FAM135B: variants seen among roughly 807,000 people sequenced by gnomAD.
FAM135B encodes protein FAM135B.
Under a neutral mutation model 127.7 loss-of-function variants are expected in FAM135B, and 43 were observed. The ratio of observed to expected loss-of-function variants is 0.34; its 90% CI spans 0.26 to 0.43. The LOEUF (loss-of-function observed/expected upper bound fraction) is 0.43. Ranked by LOEUF, FAM135B falls within the 20% of genes least tolerant of loss-of-function variation. FAM135B has a pLI of 1.00. For synonymous variants in FAM135B, 670 were observed against 665.1 expected, an observed-to-expected ratio of 1.01 and a Z score of -0.11; for missense variants, 1,558 against 1,725.6, an observed-to-expected ratio of 0.90 and a Z score of 1.72.
At chr8:138,293,555 G>C (rs983360809) in intron 3 of FAM135B, among the ~76,000 whole-genome samples, 1 of 151,524 alleles carries the variant, frequency 6.6e-6, no homozygotes, top group Non-Finnish European at 1.5e-5. Flanking sequence ...AAATTAGTGA[G>C]AAAAAAAATC....
chr8:138,495,992 G>A (rs530095239), intron 1 of FAM135B, among the ~76,000 whole-genome samples: 1 of 152,248 alleles, frequency 6.6e-6, no homozygotes, highest in South Asian at 2.1e-4. Flanking sequence ...GAAATGAGGT[G>A]GGGAGAAGGG....
intron 3 of FAM135B, among the ~76,000 whole-genome samples, chr8:138,280,408 C>CAG (rs1341702540): frequency 1.3e-5 from 2 of 151,698 alleles, no homozygotes; most frequent in Non-Finnish European, 2.9e-5. Flanking sequence ...CATTATGGTG[C>CAG]AGAGGCAACC....
chr8:138,255,120 C>T (rs1424416674), intron 5 of FAM135B, among the ~76,000 whole-genome samples: 3 of 149,822 alleles, frequency 2.0e-5, no homozygotes, highest in Admixed American at 6.7e-5. Context: ...ACCTTGAACT[C>T]CTGGGCTCAA....
intron 11 of FAM135B, among the ~76,000 whole-genome samples, chr8:138,169,278 T>G (rs979946665): frequency 6.6e-6 from 1 of 152,132 alleles, no homozygotes; most frequent in African/African-American, 2.4e-5. Context: ...TGAAGGCTGC[T>G]ACAACTTCAT....
intron 12 of FAM135B, among the ~76,000 whole-genome samples, chr8:138,156,376 C>A (rs1382320003): frequency 2.6e-5 from 4 of 152,058 alleles, no homozygotes; most frequent in African/African-American, 7.2e-5. Flanking sequence ...TAACATCACA[C>A]TTAAAAGAAC....
intron 4 of FAM135B, among the ~76,000 whole-genome samples, chr8:138,262,918 A>AT (rs1326406193): frequency 1.3e-5 from 2 of 150,480 alleles, no homozygotes; most frequent in Non-Finnish European, 3.0e-5. Flanking sequence ...AAAAAAAAAA[A>AT]AAAGCAACTA....
chr8:138,495,069 T>C (rs1815341525), intron 1 of FAM135B, among the ~76,000 whole-genome samples: 1 of 152,184 alleles, frequency 6.6e-6, no homozygotes, highest in South Asian at 2.1e-4. Flanking sequence ...TCTCTTTTCG[T>C]AGTTGATGGA....
intron 1 of FAM135B, among the ~76,000 whole-genome samples, chr8:138,377,709 G>A (rs1026847180): frequency 6.6e-6 from 1 of 152,170 alleles, no homozygotes; most frequent in African/African-American, 2.4e-5. Flanking sequence ...ACATGACCTA[G>A]CAAGTTCTTG....
intron 9 of FAM135B, among the ~76,000 whole-genome samples, chr8:138,183,951 G>A (rs10875418): frequency 0.18 from 27,799 of 152,174 alleles, 2,764 homozygotes; most frequent in Admixed American, 0.29. Context: ...TTCTATGCAG[G>A]AATTCACGGC....
chr8:138,263,335 C>A (rs1404393761), intron 4 of FAM135B, among the ~76,000 whole-genome samples: 1 of 152,028 alleles, frequency 6.6e-6, no homozygotes, highest in Admixed American at 6.6e-5. Context: ...AGGGAAGGAG[C>A]CTGGGGAGTG....
At chr8:138,348,401 C>T (rs542676459) in intron 2 of FAM135B, among the ~76,000 whole-genome samples, 6 of 152,216 alleles carry the variant, frequency 3.9e-5, no homozygotes, top group East Asian at 3.9e-4. Flanking sequence ...TCCCAAAGTG[C>T]GGAGATTACA....
intron 9 of FAM135B, among the ~76,000 whole-genome samples, chr8:138,192,413 A>T (rs1246145808): frequency 6.6e-6 from 1 of 152,244 alleles, no homozygotes; most frequent in Non-Finnish European, 1.5e-5. Flanking sequence ...TAAGACTATC[A>T]AATTAGCCAA....
Position 138,250,953 on chromosome 8 carries a change from G to C in FAM135B, c.430C>G (p.Pro144Ala), listed in dbSNP as rs1821657417. The change falls in exon 6 of 20, where the codon CCC becomes GCC. Residue 144 changes from proline (P) to alanine (A), a missense_variant. This residue lies in a region of FAM135B where 199 missense variants were observed against 245.7 expected (regional missense o/e 0.81). Coordinates refer to ENST00000395297, the MANE Select transcript of FAM135B (RefSeq NM_015912.4). ...SSRTLGLHFH[P>A]RNGLHHQVPV... ...ACCTGGTGGTGCAGACCATTCCGGG[G>C]GTGGAAGTGCAGGCCAAGCGTTCGG... 3.7e-6 allele frequency: 6 copies of C among 1,613,912 alleles called. No homozygotes were observed. Among genetic ancestry groups the C allele is most frequent in the Non-Finnish European group, 5.1e-6 (6 of 1,179,980 alleles).
intron 7 of FAM135B, among the ~76,000 whole-genome samples, chr8:138,220,207 G>A (rs966503175): frequency 6.6e-6 from 1 of 152,138 alleles, no homozygotes; most frequent in Non-Finnish European, 1.5e-5. Context: ...TTGCCAAAAG[G>A]TGACAGTATT....
At chr8:138,238,062 G>T (rs1036408799) in intron 7 of FAM135B, among the ~76,000 whole-genome samples, 11 of 151,080 alleles carry the variant, frequency 7.3e-5, no homozygotes, top group Admixed American at 5.9e-4. Context: ...TATACCTTGA[G>T]AAACTGAGAC....
Position 138,310,853 on chromosome 8 carries a change from C to T in FAM135B, c.145G>A (p.Ala49Thr), listed in dbSNP as rs775631073. Residue 49 changes from alanine to threonine, a missense_variant, in exon 3 of 20, where the codon GCT (alanine) becomes ACT (threonine). Coordinates refer to ENST00000395297, the MANE Select transcript of FAM135B (RefSeq NM_015912.4). ...TTCTTCTGCTCACCTGTCTGCCCAG[C>T]GATGGAGGCACTCAGTCTGTGGGGG... ...RIPHRLSASI[A>T]GQTESSSLHS... The T allele has an allele frequency of 4.9e-5, 79 of 1,613,690 alleles. No individual in the cohort carries two copies. Among genetic ancestry groups the T allele is most frequent in the Admixed American group, 2.2e-4 (13 of 59,956 alleles).
At chr8:138,323,514 C>T (rs1381896464) in intron 2 of FAM135B, among the ~76,000 whole-genome samples, 3 of 152,182 alleles carry the variant, frequency 2.0e-5, no homozygotes, top group African/African-American at 7.2e-5. Context: ...AGCAGGCTTT[C>T]TCCAGCCATG....
At chr8:138,413,501 G>C (rs1465945759) in intron 1 of FAM135B, among the ~76,000 whole-genome samples, 1 of 152,138 alleles carries the variant, frequency 6.6e-6, no homozygotes, top group African/African-American at 2.4e-5. Flanking sequence ...TAGAACATCT[G>C]ACTGCCTTAT....
At chr8:138,139,776 C>T (rs1378770252) in intron 17 of FAM135B, among the ~76,000 whole-genome samples, 1 of 152,134 alleles carries the variant, frequency 6.6e-6, no homozygotes, top group Non-Finnish European at 1.5e-5. Context: ...CAAAAAACAA[C>T]AACAACAACA....
Sources: gnomAD v4.1 joint callset for allele counts (sites outside exome capture counted in the v4.1 genomes callset) on GRCh38, gnomAD v4.1.1 for gene constraint, gnomAD v4.1.1 regional missense constraint, MANE v1.5 for transcripts, NCBI Gene and HGNC (gene_info 2026-07-23, HGNC 2026-07-21) for gene names.